The following PCDH7 variants were observed in gnomAD, a reference collection of about 807,000 sequenced individuals.
The protein encoded by PCDH7 is protocadherin-7.
A neutral mutation model predicts 58.9 loss-of-function variants in PCDH7; 17 were observed. The ratio of observed to expected loss-of-function variants is 0.29; its 90% CI spans 0.20 to 0.43. The LOEUF (loss-of-function observed/expected upper bound fraction) is 0.43, where lower values mean the gene tolerates loss of function less well. Among genes scored for constraint, PCDH7 ranks in the 20% least tolerant of loss-of-function variants. The pLI is 1.00. For missense variants in PCDH7, 1,274 were observed against 1,441.0 expected (o/e 0.88, Z 1.88); for synonymous variants, 664 against 616.4 (o/e 1.08, Z -1.14).
At chr4:31,073,780 G>A (rs1398380101) in intron 3 of PCDH7, among the ~76,000 whole-genome samples, 1 of 152,054 alleles carries the variant, frequency 6.6e-6, no homozygotes, top group Non-Finnish European at 1.5e-5. Context: ...AGTTAAATAT[G>A]TAAATCATAA....
chr4:30,770,251 A>G (rs150497136), intron 1 of PCDH7, among the ~76,000 whole-genome samples: 7 of 152,346 alleles, frequency 4.6e-5, no homozygotes, highest in Admixed American at 1.3e-4. Flanking sequence ...CACCAGTGCT[A>G]CTAACGTACC....
intron 3 of PCDH7, among the ~76,000 whole-genome samples, chr4:31,117,788 C>T (rs532326975): frequency 2.9e-4 from 44 of 152,198 alleles, no homozygotes; most frequent in African/African-American, 1.1e-3. Flanking sequence ...CATGGTAGGA[C>T]TGTGATGTAG....
intron 3 of PCDH7, among the ~76,000 whole-genome samples, chr4:31,029,976 A>G (rs1295104399): frequency 1.3e-5 from 2 of 152,136 alleles, no homozygotes; most frequent in Non-Finnish European, 2.9e-5. Flanking sequence ...GGGTTCTAAC[A>G]AGTCTTGAAG....
chr4:31,034,758 A>G (rs962685814), intron 3 of PCDH7, among the ~76,000 whole-genome samples: 1 of 152,194 alleles, frequency 6.6e-6, no homozygotes, highest in Non-Finnish European at 1.5e-5. Context: ...GGCAGGGAGC[A>G]TATCTTATCT....
chr4:30,961,041 A>G (rs1333181666), intron 3 of PCDH7, among the ~76,000 whole-genome samples: 2 of 152,180 alleles, frequency 1.3e-5, no homozygotes, highest in Non-Finnish European at 2.9e-5. Context: ...CTCAAAATGA[A>G]GATATGTGGA....
exon 1 of PCDH7, chr4:30,724,516 G>A: frequency 2.5e-6 from 4 of 1,614,124 alleles, no homozygotes; most frequent in Non-Finnish European, 3.4e-6. Flanking sequence ...CACATTTGTG[G>A]GAGCAGGAGA....
intron 1 of PCDH7, among the ~76,000 whole-genome samples, chr4:30,725,632 T>A (rs1714509755): frequency 6.6e-6 from 1 of 152,148 alleles, no homozygotes; most frequent in Non-Finnish European, 1.5e-5. Flanking sequence ...GGACTGTGTC[T>A]CATGGTACAG....
intron 1 of PCDH7, among the ~76,000 whole-genome samples, chr4:30,860,530 T>C (rs1290944541): frequency 6.6e-6 from 1 of 152,110 alleles, no homozygotes; most frequent in Non-Finnish European, 1.5e-5. Flanking sequence ...TTGTGCATCA[T>C]GTCTTACATA....
intron 1 of PCDH7, among the ~76,000 whole-genome samples, chr4:30,762,498 C>T (rs755959025): frequency 1.3e-4 from 4 of 31,688 alleles, no homozygotes; most frequent in Admixed American, 1.3e-3. Flanking sequence ...GCTTCCTGAA[C>T]TCATGATATG....
At chr4:31,077,764 A>G (rs1759129273) in intron 3 of PCDH7, among the ~76,000 whole-genome samples, 1 of 152,202 alleles carries the variant, frequency 6.6e-6, no homozygotes, top group East Asian at 1.9e-4. Flanking sequence ...ATGACTTAAA[A>G]GAAGGCCTTC....
chr4:31,069,927 G>A (rs2109251175), intron 3 of PCDH7, among the ~76,000 whole-genome samples: 1 of 116,130 alleles, frequency 8.6e-6, no homozygotes, highest in Middle Eastern at 4.3e-3. Flanking sequence ...AATTCCTGAA[G>A]TTTGACCCTT....
At chr4:30,846,170 G>A (rs1293377870) in intron 1 of PCDH7, among the ~76,000 whole-genome samples, 4 of 151,982 alleles carry the variant, frequency 2.6e-5, no homozygotes, top group Admixed American at 2.6e-4. Context: ...TGATATTTTG[G>A]ATCAGACAAT....
chr4:30,785,094 C>T (rs1268060791), intron 1 of PCDH7, among the ~76,000 whole-genome samples: 1 of 151,870 alleles, frequency 6.6e-6, no homozygotes, highest in African/African-American at 2.4e-5. Flanking sequence ...ACATGGTAGC[C>T]TTGTATAGAA....
intron 3 of PCDH7, among the ~76,000 whole-genome samples, chr4:31,091,530 A>T (rs1713249257): frequency 6.6e-6 from 1 of 151,844 alleles, no homozygotes; most frequent in South Asian, 2.1e-4. Flanking sequence ...TATCACCTGG[A>T]TTTACAGTGA....
chr4:30,969,346 G>A (rs1276126270), intron 3 of PCDH7, among the ~76,000 whole-genome samples: 1 of 151,918 alleles, frequency 6.6e-6, no homozygotes, highest in Non-Finnish European at 1.5e-5. Context: ...AAAGAAGCTT[G>A]ATTTTGTCTC....
At chr4:31,007,799 G>T (rs1480561746) in intron 3 of PCDH7, among the ~76,000 whole-genome samples, 1 of 152,100 alleles carries the variant, frequency 6.6e-6, no homozygotes, top group Non-Finnish European at 1.5e-5. Context: ...TAAATCATTT[G>T]TAGTAGCTTT....
chr4:30,724,341 C>G, exon 1 of PCDH7: 4 of 1,614,108 alleles, frequency 2.5e-6, no homozygotes, highest in Non-Finnish European at 3.4e-6. Flanking sequence ...AGCTGTCAGA[C>G]AGCCCAAGCA....
At chr4:30,729,877 T>G (rs1174178478) in intron 1 of PCDH7, among the ~76,000 whole-genome samples, 2 of 152,002 alleles carry the variant, frequency 1.3e-5, no homozygotes, top group Non-Finnish European at 2.9e-5. Flanking sequence ...GCTTCCTTGT[T>G]AGGCAGTTAA....
intron 3 of PCDH7, among the ~76,000 whole-genome samples, chr4:30,978,422 T>C (rs938721112): frequency 6.6e-6 from 1 of 152,224 alleles, no homozygotes; most frequent in Admixed American, 6.5e-5. Flanking sequence ...TAGCATCCTG[T>C]TTAATAGCCC....
Sources: gnomAD v4.1 joint callset for allele counts (sites outside exome capture counted in the v4.1 genomes callset) on GRCh38, gnomAD v4.1.1 for gene constraint, MANE v1.5 for transcripts, NCBI Gene and HGNC (gene_info 2026-07-23, HGNC 2026-07-21) for gene names.